AP1AR: variants seen among roughly 807,000 people sequenced by gnomAD.
AP1AR encodes the protein adaptor related protein complex 1 associated regulatory protein.
In AP1AR, 29 loss-of-function variants were observed where a neutral mutation model predicts 46.3. The observed-to-expected ratio is 0.63, with a 90% CI of 0.47 to 0.85. The LOEUF is 0.85. Among genes scored for constraint, AP1AR ranks in the 40% least tolerant of loss-of-function variants. The pLI, the probability that AP1AR is intolerant of heterozygous loss-of-function variation, is 0.00. For synonymous variants in AP1AR, 122 were observed against 122.9 expected (o/e 0.99, Z 0.05); for missense variants, 357 against 356.3 (o/e 1.00, Z -0.02).
chr4:112,257,502 G>A (rs1461321325), intron 3 of AP1AR, among the ~76,000 whole-genome samples: 2 of 152,014 alleles, frequency 1.3e-5, no homozygotes, highest in Non-Finnish European at 1.5e-5. Flanking sequence ...ACAAATATTT[G>A]TTAAAAAAAA....
In AP1AR at chr4:112,242,588, G is replaced by A. The variant is rs1430982075; in HGVS notation, c.83+10414G>A. 2.0e-5 allele frequency among the ~76,000 whole-genome samples: 3 copies of A among 152,258 alleles called. No homozygotes were observed. In the East Asian group the frequency reaches 5.8e-4, roughly 29 times the overall value. ...AAGCCACTGTGTGCAGAAATCACAC[G>A]GCAAAAGAGGAAGCAAGGAGGGAGT... On this transcript the variant is annotated intron_variant, in intron 1 of 9. Coordinates refer to ENST00000274000, the MANE Select transcript of AP1AR (RefSeq NM_018569.6).
intron 1 of AP1AR, among the ~76,000 whole-genome samples, chr4:112,248,717 A>G (rs1725824778): frequency 6.6e-6 from 1 of 152,202 alleles, no homozygotes; most frequent in Non-Finnish European, 1.5e-5. Context: ...TCTAATTAAT[A>G]TTAAAATCTA....
chr4:112,261,968 C>CA (rs372031744), intron 5 of AP1AR, among the ~76,000 whole-genome samples: 7,447 of 139,084 alleles, frequency 0.054, 234 homozygotes, highest in African/African-American at 0.11. Context: ...GACCCTGTCT[C>CA]AAAAAAAAAA....
Position 112,231,960 on chromosome 4 carries a change from C to A in AP1AR, c.-132C>A. 1 of 789,068 alleles carries A rather than the reference C, an allele frequency of 1.3e-6. No homozygotes were observed. The highest frequency in any genetic ancestry group is 1.7e-6 in the Non-Finnish European group (1 of 572,418). 48.9% of individuals were successfully genotyped at this position (789,068 alleles called of 1,614,324 possible). ...TCGTCGCCCCGTGCCCTCACGCCGC[C>A]GGGCTCTGGCCGGCCCGCCCTCGGT... On this transcript the variant is annotated 5_prime_UTR_variant, in exon 1 of 10. Transcript: ENST00000274000.
At chr4:112,255,056 G>GT (rs1241160722) in intron 3 of AP1AR, among the ~76,000 whole-genome samples, 2 of 151,580 alleles carry the variant, frequency 1.3e-5, no homozygotes, top group East Asian at 1.9e-4. Flanking sequence ...CGCCTCCCGG[G>GT]TCACGCCATT....
At chr4:112,259,857 AG>A (rs1208953290) in intron 4 of AP1AR, among the ~76,000 whole-genome samples, 1 of 152,152 alleles carries the variant, frequency 6.6e-6, no homozygotes, top group Non-Finnish European at 1.5e-5. Flanking sequence ...TGAGGAGAAT[AG>A]GAAGGATATA....
intron 3 of AP1AR, among the ~76,000 whole-genome samples, chr4:112,256,759 A>T (rs2110484190): frequency 6.6e-6 from 1 of 152,368 alleles, no homozygotes; most frequent in Admixed American, 6.5e-5. Context: ...TTTGGAGGAA[A>T]AAACTACAGA....
intron 1 of AP1AR, among the ~76,000 whole-genome samples, chr4:112,249,896 T>C (rs1008803377): frequency 1.3e-5 from 2 of 152,218 alleles, no homozygotes; most frequent in Non-Finnish European, 2.9e-5. Flanking sequence ...TTTTCTTTCA[T>C]GGCAATTACT....
At position 112,253,236 on chromosome 4, in the gene AP1AR, GGT is replaced by G; in HGVS notation, c.114_115del (p.Glu39AlafsTer7). 1.2e-6 allele frequency: 2 copies of G among 1,611,028 alleles called. No homozygotes were observed. The highest frequency in any genetic ancestry group is 1.7e-6 in the Non-Finnish European group (2 of 1,178,918). ...CAAGTATTTTAGAACATGCTCAAGA[GGT>G]GAGCACTTAACAATAGAGGTAAGTA... ...GSKYFRTCSR[G>X]EHLTIEFENL... is the part of the protein sequence containing the mutation. On this transcript the variant is annotated frameshift_variant, in exon 2 of 10. Coordinates refer to ENST00000274000, the MANE Select transcript of AP1AR (RefSeq NM_018569.6). LOFTEE classifies it high-confidence loss of function.
chr4:112,248,914 C>T (rs1021208834), intron 1 of AP1AR, among the ~76,000 whole-genome samples: 4 of 152,214 alleles, frequency 2.6e-5, no homozygotes, highest in Non-Finnish European at 4.4e-5. Flanking sequence ...CTCCAGATAT[C>T]TGTCTAGCTG....
intron 1 of AP1AR, among the ~76,000 whole-genome samples, chr4:112,249,245 C>T (rs987066486): frequency 6.6e-6 from 1 of 151,190 alleles, no homozygotes; most frequent in African/African-American, 2.4e-5. Flanking sequence ...GAGCCAAGAT[C>T]GTGCCATTGC....
chr4:112,238,101 CAGATT>C (rs1725331427), intron 1 of AP1AR, among the ~76,000 whole-genome samples: 1 of 152,242 alleles, frequency 6.6e-6, no homozygotes, highest in Non-Finnish European at 1.5e-5. Context: ...GGCAGAGGGC[CAGATT>C]TGGCCAGTGG....
chr4:112,262,885 T>G, intron 5 of AP1AR, 103 bp from the exon 6 acceptor site: 1 of 749,440 alleles, frequency 1.3e-6, no homozygotes, highest in Non-Finnish European at 2.2e-6. Flanking sequence ...TCAATTATTT[T>G]TTAATAATTT....
intron 1 of AP1AR, among the ~76,000 whole-genome samples, chr4:112,239,548 T>C (rs1208049537): frequency 6.6e-6 from 1 of 152,222 alleles, no homozygotes; most frequent in Non-Finnish European, 1.5e-5. Flanking sequence ...TCTTTGACAC[T>C]GTTCCCCATC....
chr4:112,270,804 T>C lies in AP1AR; in HGVS notation c.*2395T>C, dbSNP rs923477815. On this transcript the variant is annotated 3_prime_UTR_variant, in exon 10 of 10. Transcript: ENST00000274000. Reference sequence around the variant, plus strand: ...GATGCAAGACCTTGTAGACCAAGAATGAGTTTTATTTGATGTGTAATAGAA... The same window carrying C: ...GATGCAAGACCTTGTAGACCAAGAACGAGTTTTATTTGATGTGTAATAGAA... 2.6e-5 allele frequency among the ~76,000 whole-genome samples: 4 copies of C among 152,198 alleles called. No homozygotes were observed. The highest frequency in any genetic ancestry group is 5.9e-5 in the Non-Finnish European group (4 of 68,028).
chr4:112,259,676 A>G (rs1261492879), intron 4 of AP1AR, among the ~76,000 whole-genome samples: 21 of 152,192 alleles, frequency 1.4e-4, no homozygotes, highest in Admixed American at 1.4e-3. Context: ...AGGTGCAAAC[A>G]GACAAAAGGA....
rs1393666320 is a variant in AP1AR at position 112,272,305 on chromosome 4, G to A, written c.*3896G>A. Among the ~76,000 whole-genome samples, 3 of 151,980 alleles carry A rather than the reference G, an allele frequency of 2.0e-5. No individual in the cohort carries two copies. The highest frequency in any genetic ancestry group is 4.4e-5 in the Non-Finnish European group (3 of 68,028). On this transcript the variant is annotated 3_prime_UTR_variant, in exon 10 of 10. Coordinates refer to ENST00000274000, the MANE Select transcript of AP1AR (RefSeq NM_018569.6). Reference sequence around the variant, plus strand: ...TGACAGGGAAGGGAAAATCTAACAGGAGACATCTTGAGCTCATGGGCAACA... The same window carrying A: ...TGACAGGGAAGGGAAAATCTAACAGAAGACATCTTGAGCTCATGGGCAACA...
chr4:112,269,195 T>TA lies in AP1AR; in HGVS notation c.*792dup. On this transcript the variant is annotated 3_prime_UTR_variant, in exon 10 of 10. Coordinates refer to ENST00000274000, the MANE Select transcript of AP1AR (RefSeq NM_018569.6). ...TTAAGTTTTTAGGTGCCATTATTTT[T>TA]AAAAAATTCTATATTTCCAATGAAC... 1 of 152,064 alleles carries TA rather than the reference T, an allele frequency of 6.6e-6. No individual in the cohort carries two copies. Among genetic ancestry groups the TA allele is most frequent in the Non-Finnish European group, 1.5e-5 (1 of 67,760 alleles). The allele number at this position is 152,064 out of a possible 1,614,324, so 9.4% of individuals were successfully genotyped here. A position where few individuals can be genotyped will look rare whatever the true frequency, so the allele number is the denominator to read the frequency against.
At chr4:112,262,789 A>G (rs1726510176) in intron 5 of AP1AR, among the ~76,000 whole-genome samples, 199 bp from the exon 6 acceptor site, 1 of 152,240 alleles carries the variant, frequency 6.6e-6, no homozygotes, top group Non-Finnish European at 1.5e-5. Context: ...GAATTCCGTA[A>G]TGTGTTTTAT....
Sources: allele counts gnomAD v4.1 joint callset (sites outside exome capture counted in the v4.1 genomes callset), GRCh38; gene constraint gnomAD v4.1.1; transcripts MANE v1.5; gene names NCBI Gene and HGNC (gene_info 2026-07-23, HGNC 2026-07-21).